COL23A1: variants seen among roughly 807,000 people sequenced by gnomAD.
COL23A1 encodes the protein collagen alpha-1(XXIII) chain.
Under a neutral mutation model 99.3 loss-of-function variants are expected in COL23A1, and 97 were observed. The ratio of observed to expected loss-of-function variants is 0.98; its 90% CI spans 0.83 to 1.16. The LOEUF (loss-of-function observed/expected upper bound fraction) is 1.16, where lower values mean the gene tolerates loss of function less well. Among genes scored for constraint, COL23A1 ranks in the 50% most tolerant of loss-of-function variants. COL23A1 has a pLI of 0.00. For synonymous variants in COL23A1, 320 were observed against 308.2 expected (o/e 1.04, Z -0.40); for missense variants, 762 against 757.4 (o/e 1.01, Z -0.07).
chr5:178,249,266 C>T (rs570982679), intron 18 of COL23A1, 60 bp from the exon 19 acceptor site: 2 of 1,518,668 alleles, frequency 1.3e-6, no homozygotes, highest in East Asian at 4.5e-5. Context: ...CTTCTCCCCC[C>T]AGCAGGTCCC....
chr5:178,494,366 G>A (rs1387585373), intron 2 of COL23A1, among the ~76,000 whole-genome samples: 2 of 152,304 alleles, frequency 1.3e-5, no homozygotes, highest in African/African-American at 2.4e-5. Context: ...TGCCATGAAC[G>A]TGATGTGTTG....
intron 2 of COL23A1, among the ~76,000 whole-genome samples, chr5:178,315,762 C>CTTTT (rs34604670): frequency 6.2e-5 from 6 of 96,752 alleles, no homozygotes; most frequent in Non-Finnish European, 8.1e-5. Context: ...GAAGCACTGA[C>CTTTT]TTTTTTTTTT....
At chr5:178,578,748 T>C (rs73804321) in intron 1 of COL23A1, among the ~76,000 whole-genome samples, 6,355 of 149,682 alleles carry the variant, frequency 0.042, 440 homozygotes, top group African/African-American at 0.15. Context: ...CAGATGTGTG[T>C]GAAGCCTCTA....
At chr5:178,567,754 A>G (rs1038367866) in intron 1 of COL23A1, among the ~76,000 whole-genome samples, 4 of 152,254 alleles carry the variant, frequency 2.6e-5, no homozygotes, top group Non-Finnish European at 5.9e-5. Context: ...GAACAATTTA[A>G]GCAACAAAAT....
chr5:178,557,355 G>A (rs1259256726), intron 2 of COL23A1, among the ~76,000 whole-genome samples: 1 of 152,236 alleles, frequency 6.6e-6, no homozygotes, highest in Non-Finnish European at 1.5e-5. Flanking sequence ...CACAGGTACT[G>A]GGGGTTAGGA....
intron 25 of COL23A1, among the ~76,000 whole-genome samples, chr5:178,243,694 A>T (rs1179120030): frequency 6.6e-6 from 1 of 152,064 alleles, no homozygotes; most frequent in Admixed American, 6.6e-5. Flanking sequence ...CACGGTCCTC[A>T]TTATAGTTGG....
intron 2 of COL23A1, among the ~76,000 whole-genome samples, chr5:178,489,899 G>A (rs1295218330): frequency 6.6e-6 from 1 of 152,160 alleles, no homozygotes; most frequent in African/African-American, 2.4e-5. Context: ...TGGATAAGCA[G>A]TTTGTGACTA....
rs370812945 is a variant in COL23A1 at position 178,374,565 on chromosome 5, C to T, written c.362-67646G>A. ...TTCTCTGTGCCTCAGTTTCCTCATC[C>T]GTGAAATGAGAACAGCACCTACCTC... is the stretch of plus-strand genomic sequence containing the variant. On this transcript the variant is annotated intron_variant, in intron 2 of 28. Coordinates refer to ENST00000390654, the MANE Select transcript of COL23A1 (RefSeq NM_173465.4). Among the ~76,000 whole-genome samples the T allele has an allele frequency of 7.9e-5, 12 of 152,282 alleles. No individual in the cohort carries two copies. In the South Asian group the frequency reaches 8.3e-4, roughly 11 times the overall value.
At chr5:178,563,699 T>G (rs1346354671) in intron 1 of COL23A1, among the ~76,000 whole-genome samples, 1 of 151,804 alleles carries the variant, frequency 6.6e-6, no homozygotes, top group Non-Finnish European at 1.5e-5. Flanking sequence ...ACCCAGCTAA[T>G]TTTTAAATTT....
At chr5:178,329,590 C>A (rs146061000) in intron 2 of COL23A1, among the ~76,000 whole-genome samples, 1 of 152,210 alleles carries the variant, frequency 6.6e-6, no homozygotes, top group African/African-American at 2.4e-5. Context: ...TCACACCTGT[C>A]CCCTCAAGAT....
intron 1 of COL23A1, among the ~76,000 whole-genome samples, chr5:178,585,877 T>C (rs1242585856): frequency 6.6e-6 from 1 of 152,234 alleles, no homozygotes; most frequent in Non-Finnish European, 1.5e-5. Context: ...GGCGATCGCA[T>C]TACCCTTGCC....
rs1766458380 is a variant in COL23A1 at position 178,434,728 on chromosome 5, CCACTT to C, written c.361+125949_361+125953del. Among the ~76,000 whole-genome samples, 2 of 152,196 alleles carry C rather than the reference CCACTT, an allele frequency of 1.3e-5. No individual in the cohort carries two copies. Among genetic ancestry groups the C allele is most frequent in the African/African-American group, 2.4e-5 (1 of 41,446 alleles). On this transcript the variant is annotated intron_variant, in intron 2 of 28. Transcript: ENST00000390654. The surrounding 1 kb of genome is among the most constrained non-coding windows in gnomAD (Gnocchi z 4.3). ...AGAGGCCGGTGCCTCCCCAACATCT[CCACTT>C]CACCGCTGAGGAAACTGAGGCCTGG...
intron 2 of COL23A1, among the ~76,000 whole-genome samples, chr5:178,402,458 GA>G (rs989434868): frequency 1.3e-5 from 2 of 152,204 alleles, no homozygotes; most frequent in Non-Finnish European, 2.9e-5. Context: ...TGGGCACAAA[GA>G]GACAGTTAGA....
At chr5:178,491,776 C>G (rs974135797) in intron 2 of COL23A1, among the ~76,000 whole-genome samples, 9 of 151,804 alleles carry the variant, frequency 5.9e-5, no homozygotes, top group Non-Finnish European at 1.2e-4. Context: ...ACTCTGTCAC[C>G]CAGGCTGGAG....
chr5:178,333,385 T>C (rs749175696), intron 2 of COL23A1, among the ~76,000 whole-genome samples: 24 of 152,202 alleles, frequency 1.6e-4, no homozygotes, highest in Non-Finnish European at 3.1e-4. Flanking sequence ...CTCTTGATGA[T>C]GGCACTTAGG....
intron 2 of COL23A1, among the ~76,000 whole-genome samples, chr5:178,399,921 C>T (rs938646238): frequency 6.6e-6 from 1 of 152,218 alleles, no homozygotes. Flanking sequence ...GATCCACCCG[C>T]GTCCATGCCT....
At chr5:178,357,784 A>G (rs62389382) in intron 2 of COL23A1, among the ~76,000 whole-genome samples, 17 of 139,884 alleles carry the variant, frequency 1.2e-4, no homozygotes, top group East Asian at 6.5e-4. Flanking sequence ...GTGTATGTGT[A>G]TGTGTGTGTG....
At chr5:178,243,554 G>A (rs1581433320) in intron 25 of COL23A1, among the ~76,000 whole-genome samples, 1 of 151,954 alleles carries the variant, frequency 6.6e-6, no homozygotes, top group Admixed American at 6.6e-5. Flanking sequence ...CCTTGTTCAC[G>A]TGTAACGGGG....
At chr5:178,505,532 T>C (rs1758818076) in intron 2 of COL23A1, among the ~76,000 whole-genome samples, 1 of 152,148 alleles carries the variant, frequency 6.6e-6, no homozygotes, top group South Asian at 2.1e-4. Flanking sequence ...ATTACAGATG[T>C]GAGCCACCAT....
Sources: allele counts gnomAD v4.1 joint callset (sites outside exome capture counted in the v4.1 genomes callset), GRCh38; gene constraint gnomAD v4.1.1; non-coding constraint Gnocchi (gnomAD v3.1); transcripts MANE v1.5; gene names NCBI Gene and HGNC (gene_info 2026-07-23, HGNC 2026-07-21).